The following TBC1D5 variants were observed in gnomAD, a reference collection of about 807,000 sequenced individuals.
The protein encoded by TBC1D5 is TBC1 domain family, member 5.
In TBC1D5, 75 loss-of-function variants were observed where a neutral mutation model predicts 100.3. The observed-to-expected ratio is 0.75, with a 90% confidence interval of 0.62 to 0.91. The LOEUF (loss-of-function observed/expected upper bound fraction) is 0.91, where lower values mean the gene tolerates loss of function less well. TBC1D5 is among the 40% of genes least tolerant of loss of function. The probability of loss-of-function intolerance (pLI) is 0.00; values close to 1 mark genes in which losing one functional copy is unlikely to be tolerated. For missense variants in TBC1D5, 910 were observed against 942.4 expected, an observed-to-expected ratio of 0.97 and a Z score of 0.45; for synonymous variants, 323 against 325.6, an observed-to-expected ratio of 0.99 and a Z score of 0.09.
chr3:17,340,893 C>T (rs2088786536), intron 13 of TBC1D5, among the ~76,000 whole-genome samples: 1 of 152,170 alleles, frequency 6.6e-6, no homozygotes, highest in Non-Finnish European at 1.5e-5. Flanking sequence ...GTCTCTGGTA[C>T]TTTCTTAGTC....
Position 17,327,765 on chromosome 3 carries a change from C to G in TBC1D5, c.996-19631G>C, listed in dbSNP as rs573426879. The stretch of plus-strand genomic sequence containing the variant: ...CATGTTCTCGTATTTACTATGTCCC[C>G]CACTATAACAGCAAGTTCGATAGGG... On this transcript the variant is annotated intron_variant, in intron 13 of 21. Transcript: ENST00000253692. 9.9e-5 allele frequency among the ~76,000 whole-genome samples: 15 copies of G among 152,230 alleles called. No individual in the cohort carries two copies. The East Asian group carries it at 1.9e-3, about 20-fold the overall frequency.
rs568191891 is a variant in TBC1D5, at chr3:17,674,505, T to C, written c.-100-50592A>G. Among the ~76,000 whole-genome samples the C allele has an allele frequency of 1.4e-4, 22 of 152,312 alleles. No homozygotes were observed. In the South Asian group the frequency reaches 4.6e-3, roughly 32 times the overall value. Reference sequence around the variant, plus strand: ...TATATTGATGTTTTTCTATCTGAAGTATGTCATGCAATATTGTAATTTATC... The same window carrying C: ...TATATTGATGTTTTTCTATCTGAAGCATGTCATGCAATATTGTAATTTATC... On this transcript the variant is annotated intron_variant, in intron 1 of 21. Transcript: ENST00000253692.
Position 17,282,206 on chromosome 3 carries a change from A to G in TBC1D5, c.1245+9689T>C, listed in dbSNP as rs566187468. On this transcript the variant is annotated intron_variant, in intron 15 of 21. Coordinates refer to ENST00000253692, the Ensembl canonical transcript of TBC1D5. ...ATGATTTCCCTGGGGGTAAAATAGC[A>G]AGTCGGCGGTAAAGGAGGGCAGCCA... Among the ~76,000 whole-genome samples the G allele has an allele frequency of 3.5e-3, 533 of 152,336 alleles. 4 individuals carry two copies. Among genetic ancestry groups the G allele is most frequent in the African/African-American group, 0.012 (505 of 41,576 alleles).
At chr3:17,726,872 A>G (rs951124643) in intron 1 of TBC1D5, among the ~76,000 whole-genome samples, 4 of 152,180 alleles carry the variant, frequency 2.6e-5, no homozygotes, top group African/African-American at 4.8e-5. Flanking sequence ...ATTTTGTGGA[A>G]CTACGTAACA....
exon 22 of TBC1D5, chr3:17,161,098 T>A (rs985203162): frequency 6.2e-7 from 1 of 1,614,214 alleles, no homozygotes. Context: ...GGGAGCAGAC[T>A]GGGGCCTGGC....
intron 14 of TBC1D5, among the ~76,000 whole-genome samples, chr3:17,305,964 T>C (rs899794170): frequency 4.6e-5 from 7 of 152,222 alleles, no homozygotes; most frequent in African/African-American, 1.7e-4. Context: ...TCCCTATCAC[T>C]TACCATAGGA....
chr3:17,297,851 A>C (rs1329021734), intron 14 of TBC1D5, among the ~76,000 whole-genome samples: 2 of 151,942 alleles, frequency 1.3e-5, no homozygotes, highest in African/African-American at 4.8e-5. Flanking sequence ...TGGCCTCCCA[A>C]AGTGCTGGGA....
intron 14 of TBC1D5, among the ~76,000 whole-genome samples, chr3:17,296,733 C>A (rs866306275): frequency 6.6e-6 from 1 of 152,200 alleles, no homozygotes; most frequent in African/African-American, 2.4e-5. Flanking sequence ...GAGCACCATT[C>A]AATCACTACA....
intron 3 of TBC1D5, among the ~76,000 whole-genome samples, chr3:17,454,541 G>A (rs1481403609): frequency 6.6e-6 from 1 of 151,886 alleles, no homozygotes; most frequent in Admixed American, 6.6e-5. Flanking sequence ...CTCACTGCAA[G>A]CTCCGCCTCC....
chr3:17,550,456 G>A (rs568284204), intron 2 of TBC1D5, among the ~76,000 whole-genome samples: 104 of 151,108 alleles, frequency 6.9e-4, no homozygotes, highest in African/African-American at 2.3e-3. Flanking sequence ...CATCTGAATT[G>A]AAACACACCT....
chr3:17,271,741 T>C (rs146113797), intron 15 of TBC1D5, among the ~76,000 whole-genome samples: 1,957 of 152,310 alleles, frequency 0.013, 32 homozygotes, highest in African/African-American at 0.044. Flanking sequence ...GGCTGTGGGT[T>C]TGTCATAGAT....
chr3:17,651,857 G>A (rs1156416199), intron 1 of TBC1D5, among the ~76,000 whole-genome samples: 1 of 152,096 alleles, frequency 6.6e-6, no homozygotes, highest in East Asian at 1.9e-4. Flanking sequence ...ATGCATAAGA[G>A]TGAAAACTCT....
At chr3:17,352,775 C>A (rs1333572135) in intron 13 of TBC1D5, among the ~76,000 whole-genome samples, 1 of 149,858 alleles carries the variant, frequency 6.7e-6, no homozygotes, top group Non-Finnish European at 1.5e-5. Context: ...AATTATGGAT[C>A]TTGCAAGTTG....
chr3:17,646,569 C>T (rs1413945262), intron 1 of TBC1D5, among the ~76,000 whole-genome samples: 7 of 152,144 alleles, frequency 4.6e-5, no homozygotes, highest in Non-Finnish European at 8.8e-5. Flanking sequence ...TCTCTTTAAT[C>T]TGTCGATCTT....
intron 2 of TBC1D5, among the ~76,000 whole-genome samples, chr3:17,595,286 C>T (rs927116680): frequency 1.3e-5 from 2 of 152,120 alleles, no homozygotes; most frequent in African/African-American, 4.8e-5. Flanking sequence ...CCCGAATACA[C>T]TGGGTTAGAA....
At chr3:17,366,388 T>C (rs1229967268) in intron 13 of TBC1D5, among the ~76,000 whole-genome samples, 4 of 152,072 alleles carry the variant, frequency 2.6e-5, no homozygotes, top group Admixed American at 1.3e-4. Context: ...ATAATAAATA[T>C]AATAAATTAT....
chr3:17,183,702 C>G (rs2068703558), intron 19 of TBC1D5, among the ~76,000 whole-genome samples: 3 of 152,182 alleles, frequency 2.0e-5, no homozygotes, highest in Admixed American at 2.0e-4. Context: ...CAGCCAGCCA[C>G]TTAGATCAGC....
At position 17,183,433 on chromosome 3, in the gene TBC1D5, G is replaced by A. The variant is rs77320912; in HGVS notation, c.1852+1676C>T. On this transcript the variant is annotated intron_variant, in intron 19 of 21. Coordinates refer to ENST00000253692, the Ensembl canonical transcript of TBC1D5. The stretch of plus-strand genomic sequence containing the variant: ...GCAAGTGGTAAGCGACCGAACTGGC[G>A]ACTTGGTTATAGGTCTATATGAATT... Among the ~76,000 whole-genome samples the A allele has an allele frequency of 8.8e-3, 1,333 of 152,264 alleles. 16 individuals are homozygous for A. The highest frequency in any genetic ancestry group is 0.03 in the African/African-American group (1,256 of 41,548).
chr3:17,290,315 G>C (rs1257303428), intron 15 of TBC1D5, among the ~76,000 whole-genome samples: 3 of 152,078 alleles, frequency 2.0e-5, no homozygotes, highest in Non-Finnish European at 4.4e-5. Context: ...TAACATGAAA[G>C]GGCATTTAGG....
Sources: allele counts gnomAD v4.1 joint callset (sites outside exome capture counted in the v4.1 genomes callset), GRCh38; gene constraint gnomAD v4.1.1; transcripts MANE v1.5; gene names NCBI Gene and HGNC (gene_info 2026-07-23, HGNC 2026-07-21).